The following LOC102723971 variants were observed in gnomAD, a reference collection of about 807,000 sequenced individuals.
the LOC102723971 span, chr9:135,618,881 A>C: frequency 1.0e-5 from 4 of 398,638 alleles, no homozygotes; most frequent in African/African-American, 8.2e-5. Context: ...TGATTTCAAA[A>C]TGAATGAGTG....
At chr9:135,619,007 G>A in the LOC102723971 span, 1 of 403,270 alleles carries the variant, frequency 2.5e-6, no homozygotes, top group Middle Eastern at 6.1e-4. Context: ...CCCCTCTGCT[G>A]CCCTCAGCCT....
chr9:135,614,598 G>T, the LOC102723971 span, among the ~76,000 whole-genome samples: 1 of 152,178 alleles, frequency 6.6e-6, no homozygotes, highest in Non-Finnish European at 1.5e-5. Flanking sequence ...TCCGGGCTGC[G>T]GAAGCTACAG....
chr9:135,616,146 T>C, the LOC102723971 span, among the ~76,000 whole-genome samples: 381 of 152,128 alleles, frequency 2.5e-3, no homozygotes, highest in South Asian at 0.011. Context: ...GGGCTCTGTC[T>C]ATGCACGGAG....
At chr9:135,614,919 G>T in the LOC102723971 span, among the ~76,000 whole-genome samples, 3 of 152,186 alleles carry the variant, frequency 2.0e-5, no homozygotes, top group African/African-American at 7.2e-5. Context: ...AGAGGCAGGG[G>T]TGCAGGGCTG....
At chr9:135,614,988 C>T in the LOC102723971 span, among the ~76,000 whole-genome samples, 2 of 152,172 alleles carry the variant, frequency 1.3e-5, no homozygotes, top group African/African-American at 4.8e-5. Flanking sequence ...GACAAGGGGA[C>T]GGGAGGTGAC....
chr9:135,614,641 G>A, the LOC102723971 span, among the ~76,000 whole-genome samples: 1 of 152,190 alleles, frequency 6.6e-6, no homozygotes, highest in Non-Finnish European at 1.5e-5. Context: ...AGGCTGCAGG[G>A]CGGCAGCCGG....
chr9:135,617,829 G>A, the LOC102723971 span: 4 of 396,102 alleles, frequency 1.0e-5, no homozygotes, highest in Admixed American at 1.3e-4. Flanking sequence ...GCAACTTAGT[G>A]GTGGGGTGGC....
chr9:135,618,021 A>G, the LOC102723971 span: 1 of 398,680 alleles, frequency 2.5e-6, no homozygotes, highest in East Asian at 3.6e-5. Flanking sequence ...CACCTGCAGA[A>G]AGCCCCGGTC....
At chr9:135,619,883 C>CCTT in the LOC102723971 span, among the ~76,000 whole-genome samples, 2 of 119,898 alleles carry the variant, frequency 1.7e-5, no homozygotes, top group Non-Finnish European at 3.6e-5. Flanking sequence ...CCCTTCTCCC[C>CCTT]AATCTCCCCC....
the LOC102723971 span, chr9:135,617,825 T>C: frequency 7.6e-6 from 3 of 395,482 alleles, no homozygotes; most frequent in Non-Finnish European, 1.3e-5. Flanking sequence ...CGTGGCAACT[T>C]AGTGGTGGGG....
At chr9:135,617,220 G>A in the LOC102723971 span, among the ~76,000 whole-genome samples, 2 of 152,212 alleles carry the variant, frequency 1.3e-5, no homozygotes, top group African/African-American at 2.4e-5. Flanking sequence ...TGCCCCTCAG[G>A]GAGGGTGTCC....
At chr9:135,618,870 T>C in the LOC102723971 span, 707 of 398,680 alleles carry the variant, frequency 1.8e-3, 4 homozygotes, top group African/African-American at 0.012. Context: ...TACTGATTGA[T>C]TGATTTCAAA....
At chr9:135,617,052 A>G in the LOC102723971 span, 1 of 398,634 alleles carries the variant, frequency 2.5e-6, no homozygotes, top group Non-Finnish European at 4.4e-6. Flanking sequence ...TGGCAGGTGC[A>G]GTGCCTCAGA....
chr9:135,615,530 G>A, the LOC102723971 span: 122 of 398,582 alleles, frequency 3.1e-4, no homozygotes, highest in Non-Finnish European at 3.7e-4. Flanking sequence ...CCTCTCAGGC[G>A]CTCATTCTCA....
At chr9:135,617,224 G>GGT in the LOC102723971 span, among the ~76,000 whole-genome samples, 1 of 152,176 alleles carries the variant, frequency 6.6e-6, no homozygotes, top group Non-Finnish European at 1.5e-5. Flanking sequence ...CCTCAGGGAG[G>GGT]GTGTCCCCAT....
chr9:135,615,186 G>T, the LOC102723971 span, among the ~76,000 whole-genome samples: 2 of 152,184 alleles, frequency 1.3e-5, no homozygotes, highest in Non-Finnish European at 2.9e-5. Context: ...GGGCTACACA[G>T]CCGGGCACTA....
At chr9:135,614,449 G>C in the LOC102723971 span, 1 of 384,606 alleles carries the variant, frequency 2.6e-6, no homozygotes, top group African/African-American at 2.1e-5. Flanking sequence ...GGGGGGTGCC[G>C]GGGTTCAGAT....
chr9:135,617,123 T>C, the LOC102723971 span: 2 of 396,356 alleles, frequency 5.0e-6, no homozygotes, highest in East Asian at 3.6e-5. Flanking sequence ...CTTGCTGTCC[T>C]GTCTGGGAGG....
chr9:135,614,332 G>A, the LOC102723971 span: 11 of 398,544 alleles, frequency 2.8e-5, no homozygotes, highest in Middle Eastern at 6.2e-4. Flanking sequence ...CGGTACAGCC[G>A]GGCTTCAATG....
Sources: gnomAD v4.1 joint callset for allele counts (sites outside exome capture counted in the v4.1 genomes callset) on GRCh38, gnomAD v4.1.1 for gene constraint, MANE v1.5 for transcripts.